The following SNX31 variants were observed in gnomAD, a reference collection of about 807,000 sequenced individuals.
SNX31 encodes the protein sorting nexin 31, also known as sorting nexin-31.
A neutral mutation model predicts 65.4 loss-of-function variants in SNX31; 58 were observed. The observed-to-expected ratio is 0.89, with a 90% CI of 0.72 to 1.10. SNX31 has a LOEUF of 1.10. SNX31 is among the 50% of genes least tolerant of loss of function. SNX31 has a pLI of 0.00. For synonymous variants in SNX31, 181 were observed against 190.1 expected (o/e 0.95, Z 0.39); for missense variants, 523 against 529.7 (o/e 0.99, Z 0.12).
chr8:100,587,244 G>A (rs928777576), intron 11 of SNX31, among the ~76,000 whole-genome samples: 1 of 152,172 alleles, frequency 6.6e-6, no homozygotes, highest in Non-Finnish European at 1.5e-5. Context: ...CTACTGCGGG[G>A]TTTCTGGGGT....
chr8:100,580,940 G>A (rs1158142673), intron 12 of SNX31, among the ~76,000 whole-genome samples: 1 of 152,016 alleles, frequency 6.6e-6, no homozygotes, highest in Non-Finnish European at 1.5e-5. Flanking sequence ...TCAGGCTTTT[G>A]TACAGGAGCA....
At chr8:100,596,213 TA>T (rs1225829956) in intron 10 of SNX31, among the ~76,000 whole-genome samples, 1 of 152,162 alleles carries the variant, frequency 6.6e-6, no homozygotes, top group African/African-American at 2.4e-5. Flanking sequence ...TCAATAAATC[TA>T]ATAAGGGTTT....
At chr8:100,656,513 T>C (rs1264833745) in intron 1 of SNX31, among the ~76,000 whole-genome samples, 3 of 151,538 alleles carry the variant, frequency 2.0e-5, no homozygotes, top group Non-Finnish European at 4.4e-5. Flanking sequence ...TGGTTGTGGG[T>C]GCCTGTAATC....
chr8:100,578,004 T>TA lies in SNX31; in HGVS notation c.1171-930dup, dbSNP rs1161415956. Among the ~76,000 whole-genome samples the TA allele has an allele frequency of 1.3e-5, 2 of 152,232 alleles. No homozygotes were observed. Among genetic ancestry groups the TA allele is most frequent in the African/African-American group, 2.4e-5 (1 of 41,458 alleles). On this transcript the variant is annotated intron_variant, in intron 12 of 13. Transcript: ENST00000311812. This position sits in a 1 kb window ranked among gnomAD's most constrained non-coding sequence, Gnocchi z 4.7. ...CATGTAATATAGCTAATGAGCTTTT[T>TA]AAAAATCACAAAAAAACACTCAGTG...
rs1478268667 is a variant in SNX31, at chr8:100,610,112, GA to G, written c.612-1550del. Among the ~76,000 whole-genome samples the G allele has an allele frequency of 6.6e-6, 1 of 152,220 alleles. No individual in the cohort carries two copies. Among genetic ancestry groups the G allele is most frequent in the Non-Finnish European group, 1.5e-5 (1 of 68,036 alleles). The stretch of plus-strand genomic sequence containing the variant: ...GACCTGATCCTCAGCTCTGACAATA[GA>G]AGTGGAACCTCCTTTCTTCCCAGTT... On this transcript the variant is annotated intron_variant, in intron 7 of 13. Coordinates refer to ENST00000311812, the MANE Select transcript of SNX31 (RefSeq NM_152628.4). The surrounding 1 kb of genome is among the most constrained non-coding windows in gnomAD (Gnocchi z 4.0).
rs549495793 is a variant in SNX31 at position 100,592,420 on chromosome 8, A to G, written c.979-3441T>C. Among the ~76,000 whole-genome samples, 32 of 152,334 alleles carry G rather than the reference A, an allele frequency of 2.1e-4. No individual in the cohort carries two copies. In the South Asian group the frequency reaches 6.4e-3, roughly 31 times the overall value. On this transcript the variant is annotated intron_variant, in intron 10 of 13. Transcript: ENST00000311812. Reference sequence around the variant, plus strand: ...AAATACTGAGATAAATGAAATCACAATGGGATACCGTGTCACATCTATCTA... The same window carrying G: ...AAATACTGAGATAAATGAAATCACAGTGGGATACCGTGTCACATCTATCTA...
intron 4 of SNX31, chr8:100,618,219 A>T: frequency 7.0e-7 from 1 of 1,435,034 alleles, no homozygotes; most frequent in Non-Finnish European, 9.2e-7. Flanking sequence ...GAGGCAAGGC[A>T]AAGGAGTAAC....
Position 100,573,934 on chromosome 8 carries a change from T to TTTTTTTTTTTGA in SNX31, c.1253_1254insTCAAAAAAAAAA (p.Ser418_Arg419insGlnLysLysLys), listed in dbSNP as rs1279415202. 1.3e-6 allele frequency: 2 copies of TTTTTTTTTTTGA among 1,586,572 alleles called. No homozygotes were observed. Among genetic ancestry groups the TTTTTTTTTTTGA allele is most frequent in the East Asian group, 4.6e-5 (2 of 43,836 alleles). On this transcript the variant is annotated inframe_insertion, in exon 14 of 14. Transcript: ENST00000311812. ...TAGCTATCTTAATCTTGCTTTTTCT[T>TTTTTTTTTTTGA]GATAGAAAACTAGAATAGTCTTTCT...
chr8:100,587,918 A>C (rs531340946), intron 11 of SNX31, among the ~76,000 whole-genome samples: 1 of 152,226 alleles, frequency 6.6e-6, no homozygotes, highest in Non-Finnish European at 1.5e-5. Flanking sequence ...TGCAAACAAC[A>C]TAGAGTGTAG....
chr8:100,660,931 C>T lies in SNX31; in HGVS notation c.-58+2211G>A, dbSNP rs1044607060. ...ATCATCCCTTTATATTTTCCTCATG[C>T]CATACAGTTTTTAGGAGCATTCTGA... On this transcript the variant is annotated intron_variant, in intron 1 of 5. Coordinates refer to the SNX31 transcript ENST00000520352. The surrounding 1 kb of genome is among the most constrained non-coding windows in gnomAD (Gnocchi z 4.1). Among the ~76,000 whole-genome samples the T allele has an allele frequency of 2.0e-5, 3 of 152,112 alleles. No homozygotes were observed. Among genetic ancestry groups the T allele is most frequent in the Admixed American group, 1.3e-4 (2 of 15,276 alleles).
intron 2 of SNX31, among the ~76,000 whole-genome samples, chr8:100,641,545 CAAA>C (rs1173913088): frequency 1.9e-4 from 2 of 10,258 alleles, no homozygotes; most frequent in East Asian, 2.9e-3. Flanking sequence ...GACCTTGTCT[CAAA>C]AAAAAAAAAA....
chr8:100,585,637 G>A (rs1813976102), intron 11 of SNX31, among the ~76,000 whole-genome samples: 1 of 152,158 alleles, frequency 6.6e-6, no homozygotes, highest in South Asian at 2.1e-4. Context: ...GGGCATTTGT[G>A]CAAACATTTT....
chr8:100,574,035 G>A (rs529938376), intron 13 of SNX31, 75 bp from the exon 14 acceptor site: 47 of 841,178 alleles, frequency 5.6e-5, no homozygotes, highest in Non-Finnish European at 8.4e-5. Context: ...AGTCACAGAG[G>A]TTAAAACAGT....
At chr8:100,574,015 A>T in intron 13 of SNX31, 55 bp from the exon 14 acceptor site, 1 of 1,074,196 alleles carries the variant, frequency 9.3e-7, no homozygotes, top group Non-Finnish European at 1.4e-6. Flanking sequence ...CATTTCCATA[A>T]CAATAACAAA....
intron 5 of SNX31, among the ~76,000 whole-genome samples, chr8:100,615,146 A>C (rs1475542143): frequency 1.3e-5 from 2 of 152,230 alleles, no homozygotes; most frequent in African/African-American, 2.4e-5. Context: ...AGTTAAACTT[A>C]CCTGATCTGA....
intron 10 of SNX31, among the ~76,000 whole-genome samples, chr8:100,590,149 A>G (rs1044359973): frequency 2.0e-5 from 3 of 152,234 alleles, no homozygotes; most frequent in African/African-American, 7.2e-5. Flanking sequence ...ATTGCTTGCC[A>G]ACAAAGAGCC....
At position 100,575,325 on chromosome 8, in the gene SNX31, G is replaced by T. The variant is rs1018755282; in HGVS notation, c.1228-1365C>A. ...CAAGGATAATAACAGTGCTTTGGTTGTTTATTGGGATTAAACGAGTTATAC... is the reference window on the plus strand; with the variant it reads ...CAAGGATAATAACAGTGCTTTGGTTTTTTATTGGGATTAAACGAGTTATAC... On this transcript the variant is annotated intron_variant, in intron 13 of 13. Transcript: ENST00000311812. The surrounding 1 kb of genome is among the most constrained non-coding windows in gnomAD (Gnocchi z 5.1). 1.3e-5 allele frequency among the ~76,000 whole-genome samples: 2 copies of T among 152,212 alleles called. No homozygotes were observed. The highest frequency in any genetic ancestry group is 2.9e-5 in the Non-Finnish European group (2 of 68,038).
intron 12 of SNX31, among the ~76,000 whole-genome samples, chr8:100,582,748 C>T (rs569823331): frequency 6.6e-5 from 10 of 151,786 alleles, no homozygotes; most frequent in South Asian, 2.1e-4. Context: ...GAGGCCGAGG[C>T]GGGCGGATCA....
At chr8:100,649,796 C>T, upstream of SNX31, 1 of 397,500 alleles carries the variant, frequency 2.5e-6, no homozygotes, top group Non-Finnish European at 4.4e-6. Flanking sequence ...CGGACATCGG[C>T]CACTGTTGGC....
Sources: gnomAD v4.1 joint callset for allele counts (sites outside exome capture counted in the v4.1 genomes callset) on GRCh38, gnomAD v4.1.1 for gene constraint, Gnocchi (gnomAD v3.1) non-coding constraint, MANE v1.5 for transcripts, NCBI Gene and HGNC (gene_info 2026-07-23, HGNC 2026-07-21) for gene names.